MYLK4: variants seen among roughly 807,000 people sequenced by gnomAD.
The protein encoded by MYLK4 is caMLCK like.
In MYLK4, 46 loss-of-function variants were observed where a neutral mutation model predicts 48.1. That is an observed-to-expected ratio of 0.96 (90% CI 0.75 to 1.22). MYLK4 has a LOEUF of 1.22. Ranked by LOEUF, MYLK4 falls within the 50% of genes most tolerant of loss-of-function variation. The probability of loss-of-function intolerance (pLI) is 0.00; values close to 1 mark genes in which losing one functional copy is unlikely to be tolerated. For missense variants in MYLK4, 451 were observed against 486.1 expected (o/e 0.93, Z 0.68); for synonymous variants, 170 against 180.8 (o/e 0.94, Z 0.48).
chr6:2,690,276 A>C (rs1393115980), intron 3 of MYLK4, among the ~76,000 whole-genome samples: 5 of 152,016 alleles, frequency 3.3e-5, no homozygotes, highest in Non-Finnish European at 7.4e-5. Context: ...TGTGCCGACT[A>C]TGTCTACTCT....
the MYLK4 span, among the ~76,000 whole-genome samples, chr6:2,767,024 C>G: frequency 6.6e-6 from 1 of 152,236 alleles, no homozygotes; most frequent in African/African-American, 2.4e-5. Context: ...ATTTACAAAA[C>G]TAACATAAAA....
At chr6:2,677,260 G>A (rs1415282638) in intron 10 of MYLK4, among the ~76,000 whole-genome samples, 1 of 152,104 alleles carries the variant, frequency 6.6e-6, no homozygotes, top group African/African-American at 2.4e-5. Context: ...CACATTTCCT[G>A]GCACACAGTA....
chr6:2,749,134 A>G lies in MYLK4; in HGVS notation c.159+2T>C. The G allele has an allele frequency of 1.9e-6, 3 of 1,587,262 alleles. No individual in the cohort carries two copies. Among genetic ancestry groups the G allele is most frequent in the Non-Finnish European group, 2.6e-6 (3 of 1,156,656 alleles). On this transcript the variant is annotated splice_donor_variant, in intron 2 of 12. Coordinates refer to ENST00000274643, the MANE Select transcript of MYLK4 (RefSeq NM_001012418.5). LOFTEE classifies it high-confidence loss of function. ...TAGGAGACTAAATTAGAACATGATT[A>G]CCTCATTATGTCCAGATCTTGAATC...
chr6:2,680,457 G>A, intron 7 of MYLK4, 166 bp from the exon 8 acceptor site: 1 of 985,408 alleles, frequency 1.0e-6, no homozygotes. Flanking sequence ...TTATGTGGTG[G>A]ATGAGGTTGC....
intron 2 of MYLK4, among the ~76,000 whole-genome samples, chr6:2,727,913 C>T (rs1205925831): frequency 6.8e-6 from 1 of 148,086 alleles, no homozygotes; most frequent in African/African-American, 2.5e-5. Context: ...CGCCACTGCG[C>T]TCCAGCCTGG....
chr6:2,717,422 T>G (rs1017908221), intron 2 of MYLK4, among the ~76,000 whole-genome samples: 1 of 152,152 alleles, frequency 6.6e-6, no homozygotes, highest in Non-Finnish European at 1.5e-5. Flanking sequence ...CCTCTCGAAA[T>G]CCAATTGACA....
chr6:2,732,323 A>T (rs1016664428), intron 2 of MYLK4, among the ~76,000 whole-genome samples: 1 of 152,170 alleles, frequency 6.6e-6, no homozygotes, highest in Non-Finnish European at 1.5e-5. Flanking sequence ...AATGGCGCTA[A>T]CCCCATATTT....
intron 2 of MYLK4, among the ~76,000 whole-genome samples, chr6:2,735,363 A>G (rs1290313455): frequency 8.2e-6 from 1 of 122,134 alleles, no homozygotes; most frequent in Admixed American, 9.4e-5. Context: ...AAATGATTAA[A>G]ATTCCAATCT....
upstream of MYLK4, among the ~76,000 whole-genome samples, chr6:2,754,755 G>C (rs907326410): frequency 6.6e-6 from 1 of 152,130 alleles, no homozygotes; most frequent in Non-Finnish European, 1.5e-5. Flanking sequence ...ACACTTTGTG[G>C]TCATCTGTCC....
chr6:2,744,029 A>G (rs1026771411), intron 2 of MYLK4: 5 of 398,958 alleles, frequency 1.3e-5, no homozygotes, highest in African/African-American at 2.1e-5. Context: ...TCTGAGTGTG[A>G]AGTCCATTCT....
At chr6:2,736,060 A>C (rs1204243500) in intron 2 of MYLK4, among the ~76,000 whole-genome samples, 1 of 152,176 alleles carries the variant, frequency 6.6e-6, no homozygotes, top group Non-Finnish European at 1.5e-5. Context: ...TCATCAGTCC[A>C]CCCTAAACCA....
the MYLK4 span, chr6:2,766,552 C>G: frequency 7.1e-7 from 1 of 1,414,114 alleles, no homozygotes; most frequent in African/African-American, 1.4e-5. Context: ...CCTGCCTCTC[C>G]TGGATAAGGG....
chr6:2,706,978 C>G (rs936160867), intron 2 of MYLK4, among the ~76,000 whole-genome samples: 14 of 152,226 alleles, frequency 9.2e-5, no homozygotes, highest in African/African-American at 3.4e-4. Flanking sequence ...CTACATGCAG[C>G]TGCGTCTTTC....
chr6:2,755,487 C>T (rs1489709966), upstream of MYLK4, among the ~76,000 whole-genome samples: 1 of 152,196 alleles, frequency 6.6e-6, no homozygotes, highest in African/African-American at 2.4e-5. Context: ...CATTTAATCA[C>T]CATGTCTTCT....
chr6:2,763,431 T>C, the MYLK4 span, among the ~76,000 whole-genome samples: 4 of 152,174 alleles, frequency 2.6e-5, no homozygotes, highest in East Asian at 1.9e-4. Flanking sequence ...GAGTCCCCAG[T>C]TGGGGGGAGG....
the MYLK4 span, chr6:2,768,996 G>T: frequency 9.0e-7 from 1 of 1,105,298 alleles, no homozygotes; most frequent in South Asian, 1.8e-5. Flanking sequence ...AAGAAGCGTA[G>T]GCTTGTGAAC....
chr6:2,668,693 C>A (rs1760761634), intron 12 of MYLK4, among the ~76,000 whole-genome samples: 1 of 152,082 alleles, frequency 6.6e-6, no homozygotes, highest in Non-Finnish European at 1.5e-5. Context: ...GAAGAATAAT[C>A]TTTTTTTTCC....
the MYLK4 span, chr6:2,766,526 C>T: frequency 7.0e-7 from 1 of 1,418,612 alleles, no homozygotes; most frequent in Non-Finnish European, 9.3e-7. Context: ...GGGTGTGCTG[C>T]CCTCGAAAGA....
At chr6:2,695,014 T>A (rs1561846562) in intron 2 of MYLK4, among the ~76,000 whole-genome samples, 1 of 152,072 alleles carries the variant, frequency 6.6e-6, no homozygotes. Flanking sequence ...AGAGAGAAGG[T>A]CATAAATCAA....
Sources: gnomAD v4.1 joint callset for allele counts (sites outside exome capture counted in the v4.1 genomes callset) on GRCh38, gnomAD v4.1.1 for gene constraint, MANE v1.5 for transcripts, NCBI Gene and HGNC (gene_info 2026-07-23, HGNC 2026-07-21) for gene names.